The following HPS4 variants were observed in gnomAD, a reference collection of about 807,000 sequenced individuals.
HPS4 encodes HPS4 biogenesis of lysosomal organelles complex 3 subunit 2.
A neutral mutation model predicts 70.3 loss-of-function variants in HPS4; 44 were observed. The observed-to-expected ratio is 0.63, with a 90% confidence interval of 0.49 to 0.80. The LOEUF (loss-of-function observed/expected upper bound fraction) is 0.80, where lower values mean the gene tolerates loss of function less well. Among genes scored for constraint, HPS4 ranks in the 30% least tolerant of loss-of-function variants. HPS4 has a pLI of 0.00. For synonymous variants in HPS4, 377 were observed against 355.9 expected, an observed-to-expected ratio of 1.06 and a Z score of -0.67; for missense variants, 873 against 884.4, an observed-to-expected ratio of 0.99 and a Z score of 0.16.
intron 11 of HPS4, 110 bp downstream of exon 11, chr22:26,463,807 T>G: frequency 8.5e-7 from 1 of 1,174,016 alleles, no homozygotes; most frequent in Non-Finnish European, 1.2e-6. Flanking sequence ...GTCACACAAC[T>G]GAGGGCTGAG....
At chr22:26,466,001 G>C (rs757098341) in intron 9 of HPS4, 5 of 1,416,786 alleles carry the variant, frequency 3.5e-6, no homozygotes, top group African/African-American at 2.8e-5. Flanking sequence ...TGAAGTTAAG[G>C]AGGGTCTGAA....
At chr22:26,458,353 C>T (rs111860019) in intron 12 of HPS4, 92 bp downstream of exon 12, 60 of 1,487,866 alleles carry the variant, frequency 4.0e-5, no homozygotes, top group Non-Finnish European at 5.2e-5. Context: ...TGTGCACAGC[C>T]GTGTCATCAT....
intron 9 of HPS4, chr22:26,465,959 C>T: frequency 8.9e-7 from 1 of 1,122,736 alleles, no homozygotes; most frequent in South Asian, 1.4e-5. Context: ...CAATCACAAT[C>T]TCCTGGCACT....
chr22:26,474,316 G>A (rs2090238125), intron 4 of HPS4, among the ~76,000 whole-genome samples: 1 of 151,922 alleles, frequency 6.6e-6, no homozygotes, highest in Non-Finnish European at 1.5e-5. Flanking sequence ...GAACCAAAGG[G>A]AAATCCAATA....
At chr22:26,479,923 A>C (rs529323778) in intron 2 of HPS4, among the ~76,000 whole-genome samples, 1 of 152,294 alleles carries the variant, frequency 6.6e-6, no homozygotes, top group East Asian at 1.9e-4. Flanking sequence ...GCCTATGAGA[A>C]TTTACAGAGA....
rs1386447297 is a variant in HPS4, at chr22:26,481,900, A to G, written c.-138T>C. On this transcript the variant is annotated 5_prime_UTR_variant, in exon 2 of 14. Coordinates refer to ENST00000398145, the MANE Select transcript of HPS4 (RefSeq NM_022081.6). ...GTAGGTTTCAGTGTTTTCAGTCACA[A>G]CTGCCACTTGGTTAGTTTTCACTCA... 1.2e-6 allele frequency: 1 copy of G among 823,468 alleles called. No homozygotes were observed. Among genetic ancestry groups the G allele is most frequent in the Non-Finnish European group, 2.1e-6 (1 of 477,766 alleles). The allele number at this position is 823,468 out of a possible 1,614,324, so 51.0% of individuals were successfully genotyped here. A position where few individuals can be genotyped will look rare whatever the true frequency, so the allele number is the denominator to read the frequency against.
At position 26,470,762 on chromosome 22, in the gene HPS4, G is replaced by A. The variant is rs369104384; in HGVS notation, c.553C>T (p.Arg185Cys). ...CAGCCAGCGAGAATGTGAGGCGAGC[G>A]CTGGCAGGTCTGCAGAATGCGGGCT... The part of the protein sequence containing the change: ...KAARILQTCQ[R>C]SPHILAGCIL... Residue 185 changes from arginine to cysteine, a missense_variant, in exon 7 of 14, where the codon CGC (arginine) becomes TGC (cysteine). Arg to Cys is a radical substitution (Grantham distance 180, BLOSUM62 -3). Transcript: ENST00000398145. 8.4e-5 allele frequency: 136 copies of A among 1,614,170 alleles called. No individual in the cohort carries two copies. The highest frequency in any genetic ancestry group is 1.8e-4 in the South Asian group (16 of 91,076).
chr22:26,454,403 T>C (rs1042811339), intron 13 of HPS4, among the ~76,000 whole-genome samples: 3 of 152,220 alleles, frequency 2.0e-5, no homozygotes, highest in African/African-American at 7.2e-5. Flanking sequence ...AGCTTTTTCA[T>C]CTGTACAGTG....
chr22:26,468,673 A>C, intron 7 of HPS4, 50 bp from the exon 8 acceptor site: 1 of 1,539,054 alleles, frequency 6.5e-7, no homozygotes, highest in Non-Finnish European at 9.0e-7. Flanking sequence ...AATACACCAA[A>C]ACACTCCAAA....
chr22:26,447,540 C>T (rs1189538047), downstream of HPS4, among the ~76,000 whole-genome samples: 1 of 152,046 alleles, frequency 6.6e-6, no homozygotes, highest in Non-Finnish European at 1.5e-5. Context: ...GGGAGAGGTG[C>T]TCCATACACA....
chr22:26,463,238 G>A (rs904947413), intron 11 of HPS4, among the ~76,000 whole-genome samples: 2 of 152,178 alleles, frequency 1.3e-5, no homozygotes, highest in South Asian at 2.1e-4. Context: ...AATAGTTTAA[G>A]AGCCCTCCAG....
intron 7 of HPS4, among the ~76,000 whole-genome samples, chr22:26,470,072 T>C (rs2089527782): frequency 1.3e-5 from 2 of 152,262 alleles, no homozygotes; most frequent in Admixed American, 1.3e-4. Flanking sequence ...AGTAGTTGCC[T>C]GCTCCTCAGG....
rs778544549 is a variant in HPS4 at position 26,464,142 on chromosome 22, C to T, written c.1488G>A (p.Gly496=). 5.0e-6 allele frequency: 8 copies of T among 1,614,246 alleles called. No individual in the cohort carries two copies. The highest frequency in any genetic ancestry group is 6.8e-6 in the Non-Finnish European group (8 of 1,180,050). Residue 496 remains glycine (G), a synonymous_variant, in exon 11 of 14, where the codon GGG becomes GGA. Coordinates refer to ENST00000398145, the MANE Select transcript of HPS4 (RefSeq NM_022081.6). The part of the protein sequence containing the change: ...GEQGLDEDVD[G]VCESHAAPGL... ...CAGGGGCTGCGTGGCTTTCACAGAC[C>T]CCATCAACATCCTCATCCAGGCCTT...
chr22:26,458,332 TCAGA>T (rs1180668471), intron 12 of HPS4, 109 bp downstream of exon 12: 24 of 1,368,798 alleles, frequency 1.8e-5, no homozygotes, highest in Non-Finnish European at 2.3e-5. Flanking sequence ...TGAACGCAGG[TCAGA>T]CAACTCTGTG....
rs575920373 is a variant in HPS4 at position 26,452,392 on chromosome 22, G to A, written c.*841C>T. ...ACAGCTGAGTGTCGCTCCCTTTCAC[G>A]CAGCCACCACTGAAAAGCACAGTGC... On this transcript the variant is annotated 3_prime_UTR_variant, in exon 14 of 14. Transcript: ENST00000398145. 11 of 455,970 alleles carry A rather than the reference G, an allele frequency of 2.4e-5. No homozygotes were observed. Among genetic ancestry groups the A allele is most frequent in the East Asian group, 7.0e-5 (1 of 14,370 alleles). The allele number at this position is 455,970 out of a possible 1,614,324, so 28.2% of individuals were successfully genotyped here. A position where few individuals can be genotyped will look rare whatever the true frequency, so the allele number is the denominator to read the frequency against.
At chr22:26,469,040 T>C in intron 7 of HPS4, among the ~76,000 whole-genome samples, 1 of 151,984 alleles carries the variant, frequency 6.6e-6, no homozygotes, top group Non-Finnish European at 1.5e-5. Flanking sequence ...TGATCCTATT[T>C]AAGGAGATAG....
chr22:26,476,598 T>A (rs946864708), intron 4 of HPS4: 2 of 197,854 alleles, frequency 1.0e-5, no homozygotes, highest in East Asian at 2.6e-4. Flanking sequence ...TATTCTTTTT[T>A]TTTTTTTAAT....
intron 11 of HPS4, among the ~76,000 whole-genome samples, chr22:26,463,120 T>C (rs1894707): frequency 0.36 from 54,614 of 152,086 alleles, 10,154 homozygotes; most frequent in South Asian, 0.5. Context: ...CTGCTACCAC[T>C]TTCCCTGCCT....
intron 4 of HPS4, chr22:26,476,535 C>CG (rs2090569862): frequency 5.9e-6 from 1 of 169,102 alleles, no homozygotes; most frequent in African/African-American, 2.4e-5. Flanking sequence ...TTTATAGAGA[C>CG]GGGGGTCTTA....
Sources: allele counts gnomAD v4.1 joint callset (sites outside exome capture counted in the v4.1 genomes callset), GRCh38; gene constraint gnomAD v4.1.1; transcripts MANE v1.5; gene names NCBI Gene and HGNC (gene_info 2026-07-23, HGNC 2026-07-21).